Variants in NCOA3 observed in about 807,000 individuals in gnomAD.
NCOA3 encodes the protein nuclear receptor coactivator 3, also known as CBP-interacting protein.
In NCOA3, 51 loss-of-function variants were observed where a neutral mutation model predicts 158.8. The observed-to-expected ratio is 0.32, with a 90% confidence interval of 0.26 to 0.41. The LOEUF is 0.41. Among genes scored for constraint, NCOA3 ranks in the 10% least tolerant of loss-of-function variants. The pLI, the probability that NCOA3 is intolerant of heterozygous loss-of-function variation, is 1.00. For synonymous variants in NCOA3, 537 were observed against 592.4 expected (o/e 0.91, Z 1.36); for missense variants, 1,510 against 1,746.6 (o/e 0.86, Z 2.41).
At position 47,636,526 on chromosome 20, in the gene NCOA3, ACTT is replaced by A. The variant is rs766678970; in HGVS notation, c.2144_2146del (p.Ser715del). ...CACTGGGAAAGACACCAGCAGTATA[ACTT>A]CTTGTGGGGACGGAAATGTTGTCAA... On this transcript the variant is annotated inframe_deletion, in exon 12 of 23. Coordinates refer to ENST00000371998, the MANE Select transcript of NCOA3 (RefSeq NM_181659.3). The A allele has an allele frequency of 1.2e-6, 2 of 1,614,220 alleles. No individual in the cohort carries two copies. The highest frequency in any genetic ancestry group is 2.2e-5 in the East Asian group (1 of 44,882).
intron 2 of NCOA3, among the ~76,000 whole-genome samples, chr20:47,595,374 A>G (rs1266889177): frequency 1.3e-5 from 2 of 152,214 alleles, no homozygotes; most frequent in East Asian, 3.8e-4. Context: ...TGCTGGGATT[A>G]CAGGAGTGAG....
intron 1 of NCOA3, among the ~76,000 whole-genome samples, chr20:47,521,771 A>G (rs1371496296): frequency 6.6e-6 from 1 of 152,242 alleles, no homozygotes; most frequent in African/African-American, 2.4e-5. Context: ...TTTAGAACTC[A>G]TATCCAACAC....
intron 1 of NCOA3, among the ~76,000 whole-genome samples, chr20:47,517,689 G>A (rs2084258530): frequency 6.6e-6 from 1 of 151,952 alleles, no homozygotes; most frequent in Non-Finnish European, 1.5e-5. Context: ...AACCTCAGGT[G>A]ATCTGCCTGC....
At chr20:47,599,451 A>G (rs1310983285) in intron 2 of NCOA3, among the ~76,000 whole-genome samples, 1 of 152,174 alleles carries the variant, frequency 6.6e-6, no homozygotes, top group African/African-American at 2.4e-5. Context: ...GATAATGAAA[A>G]TGTTCTAAAA....
At chr20:47,626,115 C>T (rs988524458) in intron 5 of NCOA3, among the ~76,000 whole-genome samples, 3 of 152,164 alleles carry the variant, frequency 2.0e-5, no homozygotes, top group Admixed American at 1.3e-4. Context: ...TGAATTTTTG[C>T]GTGATTGATC....
rs2086698481 is a variant in NCOA3 at position 47,647,085 on chromosome 20, G to A, written c.3265G>A (p.Glu1089Lys). 1 of 1,613,504 alleles carries A rather than the reference G, an allele frequency of 6.2e-7. No homozygotes were observed. Among genetic ancestry groups the A allele is most frequent in the African/African-American group, 1.3e-5 (1 of 74,868 alleles). The part of the protein sequence containing the change: ...PELVNQGQAL[E>K]PKQDAFQGQE... ...TGTTGTGTTTAAGGGACAGGCATTA[G>A]AGCCCAAACAGGATGCTTTCCAAGG... The change falls in exon 18 of 23, where the codon GAG (glutamate) becomes AAG (lysine). Residue 1089 changes from glutamate (E) to lysine (K), a missense_variant. Transcript: ENST00000371998.
chr20:47,626,434 C>T (rs1032807456), intron 5 of NCOA3, among the ~76,000 whole-genome samples: 37 of 152,314 alleles, frequency 2.4e-4, no homozygotes, highest in African/African-American at 8.7e-4. Context: ...TTAGGTTAGA[C>T]ATTAATTCAG....
At chr20:47,600,275 C>T (rs1030789992) in intron 2 of NCOA3, among the ~76,000 whole-genome samples, 3 of 151,542 alleles carry the variant, frequency 2.0e-5, no homozygotes, top group Non-Finnish European at 1.5e-5. Flanking sequence ...CCCGGGTTCA[C>T]GCCATTCTCC....
At chr20:47,590,603 C>T (rs1337406432) in intron 2 of NCOA3, among the ~76,000 whole-genome samples, 1 of 152,150 alleles carries the variant, frequency 6.6e-6, no homozygotes, top group African/African-American at 2.4e-5. Context: ...TAAAAAATAA[C>T]ACCAGCCTGG....
chr20:47,572,178 G>C (rs1242798970), intron 1 of NCOA3, among the ~76,000 whole-genome samples: 1 of 152,164 alleles, frequency 6.6e-6, no homozygotes, highest in African/African-American at 2.4e-5. Context: ...ATTGTGGTTG[G>C]TTTGATCTTT....
intron 1 of NCOA3, among the ~76,000 whole-genome samples, chr20:47,511,352 G>A (rs6018515): frequency 0.87 from 122,298 of 140,954 alleles, 53,526 homozygotes; most frequent in Non-Finnish European, 0.91. Flanking sequence ...GGCTCAAGCG[G>A]TTTTCCTGCC....
intron 1 of NCOA3, among the ~76,000 whole-genome samples, chr20:47,502,681 G>A (rs2083957463): frequency 6.9e-6 from 1 of 145,970 alleles, no homozygotes; most frequent in African/African-American, 2.5e-5. Context: ...AAAATTAGGA[G>A]TTTGGCTGTC....
intron 1 of NCOA3, among the ~76,000 whole-genome samples, chr20:47,565,987 T>A (rs774847612): frequency 1.4e-4 from 22 of 152,212 alleles, no homozygotes; most frequent in Non-Finnish European, 2.6e-4. Flanking sequence ...AATTTTTTTT[T>A]ATTTGATGCT....
intron 4 of NCOA3, among the ~76,000 whole-genome samples, chr20:47,624,975 G>A (rs1231284986): frequency 1.3e-5 from 2 of 152,066 alleles, no homozygotes; most frequent in East Asian, 1.9e-4. Flanking sequence ...GTTTTGCCAT[G>A]TTGGCCAGGC....
At position 47,656,172 on chromosome 20, in the gene NCOA3, T is replaced by C. The variant is rs954751002; in HGVS notation, c.*2755T>C. ...AATCCAAAGATATATAAATAAAATA[T>C]ATATATTTTATAAAGATCAGAATGA... On this transcript the variant is annotated 3_prime_UTR_variant, in exon 23 of 23. Coordinates refer to ENST00000371998, the MANE Select transcript of NCOA3 (RefSeq NM_181659.3). 1.3e-5 allele frequency: 2 copies of C among 148,992 alleles called. No homozygotes were observed. Among genetic ancestry groups the C allele is most frequent in the African/African-American group, 4.9e-5 (2 of 40,746 alleles). The allele number at this position is 148,992 out of a possible 1,614,324, so 9.2% of individuals were successfully genotyped here. A position where few individuals can be genotyped will look rare whatever the true frequency, so the allele number is the denominator to read the frequency against.
intron 2 of NCOA3, among the ~76,000 whole-genome samples, chr20:47,612,204 G>A (rs572361770): frequency 6.6e-6 from 1 of 152,092 alleles, no homozygotes; most frequent in African/African-American, 2.4e-5. Flanking sequence ...CAAAAGTACA[G>A]CTGATGGGAA....
chr20:47,622,786 G>C (rs909923922), intron 3 of NCOA3, among the ~76,000 whole-genome samples: 4 of 152,180 alleles, frequency 2.6e-5, no homozygotes, highest in African/African-American at 9.7e-5. Context: ...ATGTTTTGCG[G>C]GCGGGGTTAG....
Position 47,637,799 on chromosome 20 carries a change from G to GTTTTTTT in NCOA3, c.2512+24_2512+30dup. On this transcript the variant is annotated intron_variant, in intron 13 of 22. Coordinates refer to ENST00000371998, the MANE Select transcript of NCOA3 (RefSeq NM_181659.3). ...AATTCTCTGGGTAAGAATGAACTAG[G>GTTTTTTT]TTTTTTTTTTTTTTGCTGCCTTTGA... The GTTTTTTT allele has an allele frequency of 7.1e-7, 1 of 1,407,126 alleles. No homozygotes were observed. The allele number at this position is 1,407,126 out of a possible 1,614,324, so 87.2% of individuals were successfully genotyped here.
intron 1 of NCOA3, among the ~76,000 whole-genome samples, chr20:47,503,545 A>C (rs1460181931): frequency 6.6e-6 from 1 of 152,230 alleles, no homozygotes; most frequent in Non-Finnish European, 1.5e-5. Context: ...TTTTCATTTG[A>C]AACCACTTCT....
Sources: gnomAD v4.1 joint callset for allele counts (sites outside exome capture counted in the v4.1 genomes callset) on GRCh38, gnomAD v4.1.1 for gene constraint, MANE v1.5 for transcripts, NCBI Gene and HGNC (gene_info 2026-07-23, HGNC 2026-07-21) for gene names.